ZNF81: variants seen among roughly 807,000 people sequenced by gnomAD.
The protein encoded by ZNF81 is zinc finger protein 81, also known as zinc finger protein 81 (HFZ20).
In ZNF81, 5 loss-of-function variants were observed where a neutral mutation model predicts 32.3. That is an observed-to-expected ratio of 0.15 (90% CI 0.08 to 0.33). The LOEUF (loss-of-function observed/expected upper bound fraction) is 0.33. Among genes scored for constraint, ZNF81 ranks in the 10% least tolerant of loss-of-function variants. The pLI is 1.00. For missense variants in ZNF81, 379 were observed against 479.8 expected (o/e 0.79, Z 1.96); for synonymous variants, 163 against 166.8 (o/e 0.98, Z 0.17).
rs782055616 is a variant in ZNF81, at chrX:47,893,116, CT to C, written c.182-2727del. On this transcript the variant is annotated intron_variant, in intron 3 of 4. Transcript: ENST00000338637. Reference sequence around the variant, plus strand: ...GTTGCTTTTAGGGTTCCCTCAGTCTCTTGAGAGCCCCTGATGGGAGGAGGGG... The same window carrying C: ...GTTGCTTTTAGGGTTCCCTCAGTCTCTGAGAGCCCCTGATGGGAGGAGGGG... Among the ~76,000 whole-genome samples, 19 of 111,303 alleles carry C rather than the reference CT, an allele frequency of 1.7e-4. No homozygotes were observed. The South Asian group carries it at 7.2e-3, about 42-fold the overall frequency.
chrX:47,851,635 C>G (rs1184143216), intron 2 of ZNF81, among the ~76,000 whole-genome samples: 2 of 111,236 alleles, frequency 1.8e-5, no homozygotes, highest in Non-Finnish European at 3.8e-5. Context: ...AGTTATTTTC[C>G]CCAACTTCCC....
chrX:47,884,413 TC>T (rs1556885510), intron 2 of ZNF81, among the ~76,000 whole-genome samples: 3 of 109,440 alleles, frequency 2.7e-5, no homozygotes, highest in African/African-American at 1.0e-4. Context: ...CTTACATGGG[TC>T]CTCTCACTCA....
At chrX:47,881,021 A>G (rs1308257050) in intron 2 of ZNF81, among the ~76,000 whole-genome samples, 1 of 111,537 alleles carries the variant, frequency 9.0e-6, no homozygotes, top group Non-Finnish European at 1.9e-5. Flanking sequence ...CACAAGTTCC[A>G]TTCCTGTGAT....
Position 47,922,879 on chromosome X carries a change from GGTGTT to G in ZNF81, c.*6248_*6252del, listed in dbSNP as rs1254786860. Among the ~76,000 whole-genome samples, 1 of 111,107 alleles carries G rather than the reference GGTGTT, an allele frequency of 9.0e-6. No individual in the cohort carries two copies. Among genetic ancestry groups the G allele is most frequent in the East Asian group, 2.8e-4 (1 of 3,551 alleles). On this transcript the variant is annotated 3_prime_UTR_variant, in exon 5 of 5. Transcript: ENST00000338637. ...TCTCTCCTAGCTTTTGAGAGCTTCA[GGTGTT>G]ATTTGGCTTATAGATGCATTATTCC...
chrX:47,854,952 G>A (rs970055427), intron 2 of ZNF81, among the ~76,000 whole-genome samples: 3 of 109,942 alleles, frequency 2.7e-5, no homozygotes, highest in South Asian at 3.9e-4. Flanking sequence ...AATATTAGCC[G>A]GGTGTGGTGG....
At chrX:47,870,776 A>T (rs1475583199) in intron 2 of ZNF81, among the ~76,000 whole-genome samples, 1 of 112,363 alleles carries the variant, frequency 8.9e-6, no homozygotes, top group Non-Finnish European at 1.9e-5. Flanking sequence ...GTCTGTGAAG[A>T]CTTTTGCTGA....
intron 2 of ZNF81, chrX:47,861,118 A>G (rs2058538908): frequency 8.9e-6 from 1 of 111,798 alleles, no homozygotes. Context: ...GGAATCCCCA[A>G]TTTATAGCCA....
rs189927083 is a variant in ZNF81 at position 47,845,621 on chromosome X, C to T, written c.-163-484C>T. Among the ~76,000 whole-genome samples, 280 of 111,739 alleles carry T rather than the reference C, an allele frequency of 2.5e-3. 1 individual carries two copies. The highest frequency in any genetic ancestry group is 8.4e-3 in the African/African-American group (258 of 30,757). On this transcript the variant is annotated intron_variant, in intron 1 of 4. Transcript: ENST00000338637. The stretch of plus-strand genomic sequence containing the variant: ...GTAGACTGGGTTTGACTTAACACCA[C>T]TAAACCTCTAATTCTGTGTGCATAA...
intron 3 of ZNF81, among the ~76,000 whole-genome samples, chrX:47,888,362 G>T (rs942423556): frequency 9.1e-6 from 1 of 110,368 alleles, no homozygotes; most frequent in African/African-American, 3.3e-5. Flanking sequence ...ATACACATAC[G>T]CACGCACACA....
At chrX:47,882,291 G>A (rs1018746976) in intron 2 of ZNF81, among the ~76,000 whole-genome samples, 1 of 111,445 alleles carries the variant, frequency 9.0e-6, no homozygotes, top group Non-Finnish European at 1.9e-5. Flanking sequence ...TTCTCCCCTT[G>A]AGGCAACAAC....
Position 47,850,891 on chromosome X carries a change from G to GCACGCA in ZNF81, c.54+4573_54+4574insGCACAC, listed in dbSNP as rs1556881130. Among the ~76,000 whole-genome samples the GCACGCA allele has an allele frequency of 2.6e-4, 14 of 53,425 alleles. 1 individual carries two copies. The highest frequency in any genetic ancestry group is 8.4e-4 in the African/African-American group (13 of 15,396). The allele number at this position is 53,425 out of a possible 115,157, so 46.4% of individuals were successfully genotyped here. A position where few individuals can be genotyped will look rare whatever the true frequency, so the allele number is the denominator to read the frequency against. On this transcript the variant is annotated intron_variant, in intron 2 of 4. Transcript: ENST00000338637. The stretch of plus-strand genomic sequence containing the variant: ...CGTGCACTCATTCACAGGCACGCGC[G>GCACGCA]CACACACACACACACACACACACAC...
chrX:47,892,086 A>G (rs1330989426), intron 3 of ZNF81, among the ~76,000 whole-genome samples: 2 of 111,661 alleles, frequency 1.8e-5, no homozygotes, highest in Non-Finnish European at 3.8e-5. Flanking sequence ...ATACAGATCA[A>G]CTTATTATTG....
intron 2 of ZNF81, among the ~76,000 whole-genome samples, chrX:47,848,973 C>T (rs782591318): frequency 8.9e-6 from 1 of 111,987 alleles, no homozygotes; most frequent in African/African-American, 3.2e-5. Flanking sequence ...ATGCAGATAA[C>T]AGCAGCTGAG....
At chrX:47,885,003 A>G (rs1295207656) in intron 2 of ZNF81, among the ~76,000 whole-genome samples, 1 of 111,848 alleles carries the variant, frequency 8.9e-6, no homozygotes, top group Non-Finnish European at 1.9e-5. Context: ...ACCAAAAGCC[A>G]TGAAGAATTA....
intron 2 of ZNF81, among the ~76,000 whole-genome samples, chrX:47,853,469 C>T (rs1032037545): frequency 1.3e-4 from 15 of 111,877 alleles, no homozygotes; most frequent in African/African-American, 3.3e-4. Flanking sequence ...CGTGAGCCAC[C>T]GTGCCCGGCC....
chrX:47,924,569 A>G lies in ZNF81; in HGVS notation c.*7937A>G, dbSNP rs1556892434. 1.1e-4 allele frequency among the ~76,000 whole-genome samples: 12 copies of G among 111,931 alleles called. No individual in the cohort carries two copies. The highest frequency in any genetic ancestry group is 1.9e-5 in the Non-Finnish European group (1 of 53,161). ...GTAAGATGTCTTTGTCACCTTCTAC[A>G]TTCATCTTCTACCAATCAACATCCA... is the stretch of plus-strand genomic sequence containing the variant. On this transcript the variant is annotated 3_prime_UTR_variant, in exon 5 of 5. Coordinates refer to ENST00000338637, the MANE Select transcript of ZNF81 (RefSeq NM_007137.5).
chrX:47,846,817 A>G (rs1157993834), intron 2 of ZNF81, among the ~76,000 whole-genome samples: 2 of 111,724 alleles, frequency 1.8e-5, no homozygotes, highest in Non-Finnish European at 3.8e-5. Context: ...GAAGATAGAG[A>G]TTGAGCTTTT....
chrX:47,904,332 C>G (rs1279922615), intron 4 of ZNF81, among the ~76,000 whole-genome samples: 1 of 106,039 alleles, frequency 9.4e-6, no homozygotes, highest in Non-Finnish European at 1.9e-5. Flanking sequence ...GGGCTAATAT[C>G]CAGAATCTAC....
chrX:47,883,714 T>C (rs782268214), intron 2 of ZNF81, among the ~76,000 whole-genome samples: 8 of 112,180 alleles, frequency 7.1e-5, no homozygotes, highest in Non-Finnish European at 1.3e-4. Flanking sequence ...ATTTAGACTT[T>C]TGTAATATAA....
Sources: gnomAD v4.1 joint callset for allele counts (sites outside exome capture counted in the v4.1 genomes callset) on GRCh38, gnomAD v4.1.1 for gene constraint, MANE v1.5 for transcripts, NCBI Gene and HGNC (gene_info 2026-07-23, HGNC 2026-07-21) for gene names.